POLA1: variants seen among roughly 807,000 people sequenced by gnomAD.
POLA1 encodes DNA polymerase alpha 1, catalytic subunit.
POLA1 carries 15 observed loss-of-function variants against 124.0 expected under a neutral mutation model. That is an observed-to-expected ratio of 0.12 (90% CI 0.08 to 0.19). POLA1 has a LOEUF of 0.19. Ranked by LOEUF, POLA1 falls within the 10% of genes least tolerant of loss-of-function variation. The pLI, the probability that POLA1 is intolerant of heterozygous loss-of-function variation, is 1.00. For synonymous variants in POLA1, 408 were observed against 389.4 expected (o/e 1.05, Z -0.56); for missense variants, 886 against 1,103.4 (o/e 0.80, Z 2.79).
chrX:24,912,924 G>A (rs11573474), intron 35 of POLA1, among the ~76,000 whole-genome samples: 1 of 112,304 alleles, frequency 8.9e-6, no homozygotes, highest in African/African-American at 3.2e-5. Context: ...ATGTAAAGTG[G>A]TATCACAACC....
chrX:24,717,033 C>T, intron 8 of POLA1, 62 bp downstream of exon 8: 1 of 739,531 alleles, frequency 1.4e-6, no homozygotes, highest in South Asian at 2.4e-5. Flanking sequence ...AAATGGAGGC[C>T]CTATGATGGA....
At chrX:24,764,301 T>C (rs1932852759) in intron 26 of POLA1, among the ~76,000 whole-genome samples, 1 of 112,363 alleles carries the variant, frequency 8.9e-6, no homozygotes, top group South Asian at 3.7e-4. Flanking sequence ...TCTTGTTTAA[T>C]GCTTAGCAGT....
At chrX:24,814,956 T>TA in intron 29 of POLA1, 23 bp from the exon 30 acceptor site, 1 of 1,096,417 alleles carries the variant, frequency 9.1e-7, no homozygotes, top group Non-Finnish European at 1.2e-6. Flanking sequence ...GTCTTTGTTT[T>TA]GTTTTTTTTT....
intron 34 of POLA1, among the ~76,000 whole-genome samples, chrX:24,844,815 G>T (rs1295878521): frequency 8.9e-6 from 1 of 111,747 alleles, no homozygotes; most frequent in Non-Finnish European, 1.9e-5. Context: ...AATAAAAGTT[G>T]GCTGTGGGGT....
chrX:24,876,542 G>A (rs765596930), intron 34 of POLA1, among the ~76,000 whole-genome samples: 27 of 111,159 alleles, frequency 2.4e-4, no homozygotes, highest in Non-Finnish European at 4.2e-4. Context: ...TGTCTGCCCT[G>A]GCACTCTCCT....
At chrX:24,714,945 G>A (rs1160639984) in intron 5 of POLA1, among the ~76,000 whole-genome samples, 196 bp from the exon 6 acceptor site, 1 of 112,084 alleles carries the variant, frequency 8.9e-6, no homozygotes, top group Non-Finnish European at 1.9e-5. Context: ...GTAGAGGATG[G>A]GAGCTATAGA....
intron 12 of POLA1, among the ~76,000 whole-genome samples, chrX:24,725,498 G>A (rs1231712587): frequency 5.4e-5 from 6 of 110,859 alleles, no homozygotes; most frequent in Admixed American, 9.6e-5. Flanking sequence ...GTGCCCAGCC[G>A]AATGACTTCT....
chrX:24,866,018 C>T (rs2046790361), intron 34 of POLA1, among the ~76,000 whole-genome samples: 1 of 111,558 alleles, frequency 9.0e-6, no homozygotes, highest in African/African-American at 3.3e-5. Flanking sequence ...TATCAACTTC[C>T]ACGCATATTG....
chrX:24,848,519 A>G (rs2046505891), intron 34 of POLA1, among the ~76,000 whole-genome samples: 1 of 111,989 alleles, frequency 8.9e-6, no homozygotes, highest in Admixed American at 9.5e-5. Flanking sequence ...AAAAACTTTA[A>G]AATTTTAAAG....
Position 24,723,277 on chromosome X carries a change from A to ACCCC in POLA1, c.1200+10_1200+11insCCCC. Reference sequence around the variant, plus strand: ...CCTTCCCCGTGAAATGGTAAACATTAGTGATTAGCTTTTAGTTCTCAGTCG... The same window carrying ACCCC: ...CCTTCCCCGTGAAATGGTAAACATTACCCCGTGATTAGCTTTTAGTTCTCAGTCG... On this transcript the variant is annotated intron_variant, in intron 11 of 36. Transcript: ENST00000379068. 9.3e-7 allele frequency: 1 copy of ACCCC among 1,071,272 alleles called. No homozygotes were observed. Among genetic ancestry groups the ACCCC allele is most frequent in the Non-Finnish European group, 1.3e-6 (1 of 768,394 alleles). 88.3% of individuals were successfully genotyped at this position (1,071,272 alleles called of 1,213,427 possible).
chrX:24,708,125 C>T (rs1602252908), intron 4 of POLA1, among the ~76,000 whole-genome samples: 1 of 111,809 alleles, frequency 8.9e-6, no homozygotes, highest in African/African-American at 3.2e-5. Flanking sequence ...AATTTTTATC[C>T]TTCTGTCTAA....
chrX:24,839,823 C>T (rs182889140), intron 32 of POLA1, among the ~76,000 whole-genome samples: 43 of 112,107 alleles, frequency 3.8e-4, no homozygotes, highest in East Asian at 1.1e-3. Context: ...CTCATAATTG[C>T]AAATAAATCA....
intron 34 of POLA1, among the ~76,000 whole-genome samples, chrX:24,882,684 GGTGTGTGTGTGTGTGTGTGTGTGTGT>G (rs57530564): frequency 3.4e-5 from 3 of 87,607 alleles, no homozygotes; most frequent in Admixed American, 1.3e-4. Flanking sequence ...TATATTCCAT[GGTGTGTGTGTGTGTGTGTGTGTGTGT>G]GTGTGTGTGT....
chrX:24,790,699 T>C (rs951834088), intron 26 of POLA1, among the ~76,000 whole-genome samples: 10 of 110,148 alleles, frequency 9.1e-5, no homozygotes, highest in Non-Finnish European at 1.7e-4. Flanking sequence ...CCCAACAGGA[T>C]TGAATCATAG....
intron 35 of POLA1, among the ~76,000 whole-genome samples, chrX:24,893,455 T>C (rs1036690412): frequency 3.6e-5 from 4 of 112,105 alleles, no homozygotes; most frequent in Middle Eastern, 4.2e-3. Flanking sequence ...AAGTGAACCA[T>C]GCAGTGGCAT....
At chrX:24,838,334 T>A (rs1370454919) in intron 32 of POLA1, among the ~76,000 whole-genome samples, 2 of 111,450 alleles carry the variant, frequency 1.8e-5, no homozygotes, top group East Asian at 5.6e-4. Flanking sequence ...CACAAATGAG[T>A]CCATCACTAC....
chrX:24,858,490 T>C (rs1248341953), intron 34 of POLA1, among the ~76,000 whole-genome samples: 1 of 112,242 alleles, frequency 8.9e-6, no homozygotes, highest in African/African-American at 3.2e-5. Flanking sequence ...GCTTCAGCTT[T>C]CCATCTATAG....
At position 24,876,687 on chromosome X, in the gene POLA1, G is replaced by A. The variant is rs45515907; in HGVS notation, c.4048-11319G>A. Reference sequence around the variant, plus strand: ...GAAAAAATTTGTCTGGGGTCGGGGGGGGGGATAGTGGTAGTGGTATGGAGA... The same window carrying A: ...GAAAAAATTTGTCTGGGGTCGGGGGAGGGGATAGTGGTAGTGGTATGGAGA... On this transcript the variant is annotated intron_variant, in intron 34 of 36. Coordinates refer to ENST00000379068, the MANE Select transcript of POLA1 (RefSeq NM_001330360.2). Among the ~76,000 whole-genome samples the A allele has an allele frequency of 5.7e-4, 59 of 103,047 alleles. 2 individuals carry two copies. In the South Asian group the frequency reaches 6.8e-3, roughly 12 times the overall value. The allele number at this position is 103,047 out of a possible 115,157, so 89.5% of individuals were successfully genotyped here.
At chrX:24,931,770 C>A (rs985351984) in intron 36 of POLA1, among the ~76,000 whole-genome samples, 3 of 112,088 alleles carry the variant, frequency 2.7e-5, no homozygotes, top group Admixed American at 9.4e-5. Flanking sequence ...TTCTTTTATC[C>A]CCAAGGACCT....
Sources: gnomAD v4.1 joint callset for allele counts (sites outside exome capture counted in the v4.1 genomes callset) on GRCh38, gnomAD v4.1.1 for gene constraint, MANE v1.5 for transcripts, NCBI Gene and HGNC (gene_info 2026-07-23, HGNC 2026-07-21) for gene names.